The following C3orf52 variants were observed in gnomAD, a reference collection of about 807,000 sequenced individuals.
The protein encoded by C3orf52 is chromosome 3 open reading frame 52.
C3orf52 carries 22 observed loss-of-function variants against 24.8 expected under a neutral mutation model. That is an observed-to-expected ratio of 0.89 (90% CI 0.63 to 1.27). The LOEUF (loss-of-function observed/expected upper bound fraction) is 1.27, where lower values mean the gene tolerates loss of function less well. Ranked by LOEUF, C3orf52 falls within the 50% of genes most tolerant of loss-of-function variation. The pLI is 0.00. For missense variants in C3orf52, 265 were observed against 260.7 expected (o/e 1.02, Z -0.11); for synonymous variants, 93 against 100.2 (o/e 0.93, Z 0.43).
At chr3:112,123,912 A>C in intron 4 of C3orf52, 1 of 833,976 alleles carries the variant, frequency 1.2e-6, no homozygotes, top group Non-Finnish European at 1.9e-6. Context: ...ATTTTTTTCT[A>C]AATGGCTGCT....
chr3:112,117,198 C>T lies in C3orf52; in HGVS notation c.*552C>T, dbSNP rs1256199637. On this transcript the variant is annotated 3_prime_UTR_variant, in exon 6 of 6. Coordinates refer to ENST00000264848, the MANE Select transcript of C3orf52 (RefSeq NM_024616.3). ...TCACTGAAGTCATCCTCCTCCCCCC[C>T]ACCATTCGATTTGATCTACCTCTAA... The T allele has an allele frequency of 1.7e-5, 9 of 537,974 alleles. No homozygotes were observed. Among genetic ancestry groups the T allele is most frequent in the Non-Finnish European group, 2.6e-5 (8 of 304,208 alleles). The allele number at this position is 537,974 out of a possible 1,614,324, so 33.3% of individuals were successfully genotyped here.
At chr3:112,093,150 T>G (rs1186049823) in intron 1 of C3orf52, among the ~76,000 whole-genome samples, 1 of 152,178 alleles carries the variant, frequency 6.6e-6, no homozygotes, top group Non-Finnish European at 1.5e-5. Flanking sequence ...TCCTCCCCAC[T>G]TCAGAGCCCC....
rs571031739 is a variant in C3orf52 at position 112,117,196 on chromosome 3, C to T, written c.*550C>T. ...ATTCACTGAAGTCATCCTCCTCCCCCCCACCATTCGATTTGATCTACCTCT... is the reference window on the plus strand; with the variant it reads ...ATTCACTGAAGTCATCCTCCTCCCCTCCACCATTCGATTTGATCTACCTCT... On this transcript the variant is annotated 3_prime_UTR_variant, in exon 6 of 6. Coordinates refer to ENST00000264848, the MANE Select transcript of C3orf52 (RefSeq NM_024616.3). 4 of 538,672 alleles carry T rather than the reference C, an allele frequency of 7.4e-6. No individual in the cohort carries two copies. The East Asian group carries it at 8.6e-5, about 12-fold the overall frequency. The allele number at this position is 538,672 out of a possible 1,614,324, so 33.4% of individuals were successfully genotyped here.
chr3:112,131,854 A>C (rs2074460830), downstream of C3orf52, among the ~76,000 whole-genome samples: 1 of 152,328 alleles, frequency 6.6e-6, no homozygotes, highest in Admixed American at 6.5e-5. Context: ...TTAAAATCGA[A>C]TTTTCTTTAA....
At chr3:112,133,217 T>C, downstream of C3orf52, 1 of 1,368,842 alleles carries the variant, frequency 7.3e-7, no homozygotes, top group Non-Finnish European at 1.0e-6. Context: ...GAAAGGGCTG[T>C]GTGGCTCTGG....
chr3:112,093,287 G>A (rs2073895588), intron 1 of C3orf52, 73 bp from the exon 2 acceptor site: 6 of 1,523,990 alleles, frequency 3.9e-6, no homozygotes, highest in Middle Eastern at 1.7e-4. Context: ...CTGTGTCTCT[G>A]GCACATCCTA....
intron 2 of C3orf52, among the ~76,000 whole-genome samples, chr3:112,096,268 G>T (rs57606311): frequency 0.011 from 1,616 of 152,318 alleles, 30 homozygotes; most frequent in African/African-American, 0.036. Flanking sequence ...TACTCAGAAA[G>T]AAACATTTAA....
intron 4 of C3orf52, among the ~76,000 whole-genome samples, chr3:112,110,600 A>G (rs891917366): frequency 1.3e-5 from 2 of 152,268 alleles, no homozygotes; most frequent in African/African-American, 4.8e-5. Flanking sequence ...TGTTCTTGAG[A>G]TGTAGGCATC....
At chr3:112,130,820 C>T, downstream of C3orf52, 1 of 392,080 alleles carries the variant, frequency 2.6e-6, no homozygotes, top group Non-Finnish European at 4.8e-6. Context: ...GTATCCGTGT[C>T]CAGAGAGAGG....
chr3:112,130,052 C>T (rs2074414611), downstream of C3orf52: 1 of 176,228 alleles, frequency 5.7e-6, no homozygotes, highest in Admixed American at 5.5e-5. Flanking sequence ...TAAAAATTGT[C>T]GTAACATGGG....
intron 5 of C3orf52, among the ~76,000 whole-genome samples, chr3:112,113,851 T>G (rs2074109560): frequency 6.6e-6 from 1 of 152,206 alleles, no homozygotes; most frequent in Non-Finnish European, 1.5e-5. Context: ...GCCCTCAAAA[T>G]ATCCTTCCAT....
At chr3:112,087,544 T>C (rs942185338) in intron 1 of C3orf52, among the ~76,000 whole-genome samples, 1 of 152,178 alleles carries the variant, frequency 6.6e-6, no homozygotes, top group Admixed American at 6.5e-5. Flanking sequence ...CAGCTGTTGA[T>C]TTTAGGGATA....
downstream of C3orf52, chr3:112,130,412 G>A (rs764482683): frequency 3.2e-6 from 5 of 1,580,934 alleles, no homozygotes; most frequent in Admixed American, 8.3e-5. Context: ...CTTGGGCAAG[G>A]TCTGGGGGGT....
intron 2 of C3orf52, among the ~76,000 whole-genome samples, chr3:112,102,578 C>T (rs1252975951): frequency 6.6e-6 from 1 of 152,086 alleles, no homozygotes; most frequent in Non-Finnish European, 1.5e-5. Context: ...GGGCCCTTTC[C>T]CCAGTCTGTA....
At chr3:112,125,301 T>G (rs762291422) in intron 4 of C3orf52, 1 of 1,363,278 alleles carries the variant, frequency 7.3e-7, no homozygotes, top group South Asian at 1.2e-5. Context: ...ATGGGGAGAT[T>G]TGAAGGGAAG....
At chr3:112,110,019 C>T (rs537472859) in intron 4 of C3orf52, among the ~76,000 whole-genome samples, 1 of 152,294 alleles carries the variant, frequency 6.6e-6, no homozygotes, top group Non-Finnish European at 1.5e-5. Flanking sequence ...AGTACATTCT[C>T]CTTGTTTAGT....
downstream of C3orf52, chr3:112,133,122 C>T: frequency 6.2e-7 from 1 of 1,613,846 alleles, no homozygotes; most frequent in Non-Finnish European, 8.5e-7. Flanking sequence ...ATTTCCCATC[C>T]TCTCAGTCCT....
intron 3 of C3orf52, among the ~76,000 whole-genome samples, chr3:112,105,203 A>G (rs1056353817): frequency 6.6e-6 from 1 of 152,184 alleles, no homozygotes; most frequent in African/African-American, 2.4e-5. Flanking sequence ...ATAAATGGAA[A>G]CCAGTGCACT....
downstream of C3orf52, among the ~76,000 whole-genome samples, chr3:112,132,063 A>C (rs1375280751): frequency 6.6e-6 from 1 of 152,222 alleles, no homozygotes; most frequent in Non-Finnish European, 1.5e-5. Flanking sequence ...CAATCACTAC[A>C]TTTGAGCATC....
Sources: allele counts gnomAD v4.1 joint callset (sites outside exome capture counted in the v4.1 genomes callset), GRCh38; gene constraint gnomAD v4.1.1; transcripts MANE v1.5; gene names NCBI Gene and HGNC (gene_info 2026-07-23, HGNC 2026-07-21).